Variants in CFAP299 observed in about 807,000 individuals in gnomAD.
CFAP299 encodes the protein cilia and flagella associated protein 299.
CFAP299 carries 21 observed loss-of-function variants against 27.0 expected under a neutral mutation model. The observed-to-expected ratio is 0.78, with a 90% confidence interval of 0.55 to 1.12. CFAP299 has a LOEUF of 1.12. Ranked by LOEUF, CFAP299 falls within the 50% of genes most tolerant of loss-of-function variation. CFAP299 has a pLI of 0.00. For synonymous variants in CFAP299, 104 were observed against 98.1 expected (o/e 1.06, Z -0.36); for missense variants, 310 against 276.6 (o/e 1.12, Z -0.86).
intron 3 of CFAP299, among the ~76,000 whole-genome samples, chr4:80,616,381 T>C (rs1268910337): frequency 6.6e-6 from 1 of 152,078 alleles, no homozygotes; most frequent in Non-Finnish European, 1.5e-5. Flanking sequence ...TACACGCGTG[T>C]ACTTTTATAT....
At chr4:80,376,599 GC>G (rs1351636746) in intron 2 of CFAP299, among the ~76,000 whole-genome samples, 2 of 152,236 alleles carry the variant, frequency 1.3e-5, no homozygotes, top group East Asian at 3.9e-4. Context: ...AAAAAATTTA[GC>G]CAGTAAGGCA....
chr4:80,801,891 T>C (rs191225257), intron 3 of CFAP299, among the ~76,000 whole-genome samples: 1 of 152,246 alleles, frequency 6.6e-6, no homozygotes, highest in Admixed American at 6.6e-5. Context: ...TCAGTAGAAA[T>C]GCAATCCTTA....
chr4:80,739,910 T>C (rs1344565458), intron 3 of CFAP299, among the ~76,000 whole-genome samples: 1 of 152,208 alleles, frequency 6.6e-6, no homozygotes, highest in Non-Finnish European at 1.5e-5. Context: ...TTATTCAAGC[T>C]ATTTTTCTCT....
chr4:80,441,289 T>A (rs1728344104), intron 2 of CFAP299, among the ~76,000 whole-genome samples: 2 of 152,148 alleles, frequency 1.3e-5, no homozygotes, highest in African/African-American at 2.4e-5. Context: ...GAAAAAATGT[T>A]AAGGGCAGCC....
intron 3 of CFAP299, among the ~76,000 whole-genome samples, chr4:80,829,793 C>T (rs1007912663): frequency 1.3e-5 from 2 of 152,034 alleles, no homozygotes; most frequent in Admixed American, 6.6e-5. Context: ...ATGATCTTTA[C>T]GGACATTATG....
intron 3 of CFAP299, among the ~76,000 whole-genome samples, chr4:80,675,610 G>C (rs895011634): frequency 6.6e-6 from 1 of 152,222 alleles, no homozygotes; most frequent in African/African-American, 2.4e-5. Context: ...AGAAGTTTCT[G>C]CTGCCTTTTG....
intron 3 of CFAP299, among the ~76,000 whole-genome samples, chr4:80,737,220 G>A (rs71596031): frequency 0.053 from 8,097 of 151,368 alleles, 313 homozygotes; most frequent in South Asian, 0.16. Flanking sequence ...GCTAGATGAC[G>A]AGTTAGTGGG....
At chr4:80,474,442 A>AT (rs961465626) in intron 2 of CFAP299, among the ~76,000 whole-genome samples, 10 of 152,162 alleles carry the variant, frequency 6.6e-5, no homozygotes, top group African/African-American at 2.4e-4. Context: ...AGATAAATTC[A>AT]TTTTTTATTT....
rs1218862738 is a variant in CFAP299, at chr4:80,689,977, C to T, written c.333+106794C>T. On this transcript the variant is annotated intron_variant, in intron 3 of 5. Transcript: ENST00000358105. Reference sequence around the variant, plus strand: ...TTACATAATGGTAAAGGGATCAATTCAACAAGAAGAGCTAACTATCCTAAA... The same window carrying T: ...TTACATAATGGTAAAGGGATCAATTTAACAAGAAGAGCTAACTATCCTAAA... Among the ~76,000 whole-genome samples the T allele has an allele frequency of 3.3e-5, 5 of 150,060 alleles. No homozygotes were observed. The East Asian group carries it at 9.7e-4, about 29-fold the overall frequency.
intron 4 of CFAP299, among the ~76,000 whole-genome samples, chr4:80,922,476 CT>C (rs1252316329): frequency 1.3e-5 from 2 of 152,040 alleles, no homozygotes; most frequent in Non-Finnish European, 2.9e-5. Flanking sequence ...TCAATTATTG[CT>C]GTCCCAGATA....
intron 2 of CFAP299, among the ~76,000 whole-genome samples, chr4:80,512,736 T>C (rs1411465063): frequency 1.3e-5 from 2 of 152,078 alleles, no homozygotes; most frequent in Non-Finnish European, 2.9e-5. Context: ...AAAAAAGAGA[T>C]GATTAAGTGA....
At chr4:80,379,119 T>C (rs907926306) in intron 2 of CFAP299, among the ~76,000 whole-genome samples, 2 of 152,084 alleles carry the variant, frequency 1.3e-5, no homozygotes, top group Non-Finnish European at 2.9e-5. Context: ...ATTTTTAAAA[T>C]AGATAATAGG....
rs80162199 is a variant in CFAP299 at position 80,669,968 on chromosome 4, G to A, written c.333+86785G>A. Among the ~76,000 whole-genome samples the A allele has an allele frequency of 6.3e-3, 956 of 150,834 alleles. 8 individuals are homozygous for A. The highest frequency in any genetic ancestry group is 6.2e-3 in the Non-Finnish European group (421 of 67,722). ...ATAAAAAAAAAACCCGTAGTGCGTC[G>A]TGAATTTTATGGAATTTTTTTTCAT... is the stretch of plus-strand genomic sequence containing the variant. On this transcript the variant is annotated intron_variant, in intron 3 of 5. Coordinates refer to ENST00000358105, the MANE Select transcript of CFAP299 (RefSeq NM_152770.3).
chr4:80,868,321 A>C (rs1732868141), intron 3 of CFAP299, among the ~76,000 whole-genome samples: 1 of 152,186 alleles, frequency 6.6e-6, no homozygotes, highest in Non-Finnish European at 1.5e-5. Context: ...TTCTTTGAGC[A>C]ATGATCTGAT....
At chr4:80,882,827 T>C (rs1264526231) in intron 4 of CFAP299, among the ~76,000 whole-genome samples, 1 of 152,044 alleles carries the variant, frequency 6.6e-6, no homozygotes, top group African/African-American at 2.4e-5. Context: ...AAAGCTATCC[T>C]TCAGAAATGA....
At chr4:80,608,416 A>G in intron 3 of CFAP299, 1 of 1,409,290 alleles carries the variant, frequency 7.1e-7, no homozygotes. Context: ...TTTCCTTTAC[A>G]AGTTAGAAAA....
intron 4 of CFAP299, among the ~76,000 whole-genome samples, chr4:80,898,281 G>A (rs2110192663): frequency 6.6e-6 from 1 of 152,114 alleles, no homozygotes; most frequent in East Asian, 1.9e-4. Flanking sequence ...GTTGAAAAGG[G>A]GATGGGGCAG....
chr4:80,570,315 A>G (rs1010418859), intron 2 of CFAP299, among the ~76,000 whole-genome samples: 8 of 152,028 alleles, frequency 5.3e-5, no homozygotes, highest in Non-Finnish European at 8.8e-5. Flanking sequence ...TTAATTATAG[A>G]AACTCCAATA....
At chr4:80,835,345 G>C (rs778741640) in intron 3 of CFAP299, among the ~76,000 whole-genome samples, 40 of 151,930 alleles carry the variant, frequency 2.6e-4, no homozygotes, top group Non-Finnish European at 2.5e-4. Context: ...TGATCCGCCC[G>C]CCTCGGCCTG....
Sources: allele counts gnomAD v4.1 joint callset (sites outside exome capture counted in the v4.1 genomes callset), GRCh38; gene constraint gnomAD v4.1.1; transcripts MANE v1.5; gene names NCBI Gene and HGNC (gene_info 2026-07-23, HGNC 2026-07-21).